TBL1X: variants seen among roughly 807,000 people sequenced by gnomAD.
TBL1X encodes transducin beta like 1 X-linked, also known as F-box-like/WD repeat-containing protein TBL1X.
Under a neutral mutation model 50.7 loss-of-function variants are expected in TBL1X, and 10 were observed. The observed-to-expected ratio is 0.20, with a 90% CI of 0.12 to 0.33. The LOEUF (loss-of-function observed/expected upper bound fraction) is 0.33, where lower values mean the gene tolerates loss of function less well. Among genes scored for constraint, TBL1X ranks in the 10% least tolerant of loss-of-function variants. The pLI is 1.00. For synonymous variants in TBL1X, 190 were observed against 214.7 expected (o/e 0.88, Z 1.01); for missense variants, 340 against 504.4 (o/e 0.67, Z 3.12).
At chrX:9,567,384 TGAA>T (rs2082356850) in intron 2 of TBL1X, among the ~76,000 whole-genome samples, 2 of 111,085 alleles carry the variant, frequency 1.8e-5, no homozygotes, top group East Asian at 2.8e-4. Context: ...CAGCTGTTCT[TGAA>T]GAAGTGGCCA....
intron 2 of TBL1X, among the ~76,000 whole-genome samples, chrX:9,625,501 CAG>C (rs2082687876): frequency 8.9e-6 from 1 of 112,103 alleles, no homozygotes; most frequent in South Asian, 3.7e-4. Flanking sequence ...TGCTGCTTCT[CAG>C]AGTTTGCTAG....
At chrX:9,697,974 A>G (rs2083143155) in intron 12 of TBL1X, among the ~76,000 whole-genome samples, 1 of 111,376 alleles carries the variant, frequency 9.0e-6, no homozygotes, top group South Asian at 3.8e-4. Context: ...AGTTTTAGCT[A>G]CCCAGGAAGC....
rs1046567441 is a variant in TBL1X at position 9,620,794 on chromosome X, C to T, written c.-130-19479C>T. Among the ~76,000 whole-genome samples, 3 of 111,645 alleles carry T rather than the reference C, an allele frequency of 2.7e-5. No homozygotes were observed. The Admixed American group carries it at 2.8e-4, about 11-fold the overall frequency. ...AAGAGGATGAGTGTGGACCTGAAAC[C>T]CCCCAGCAGCTTCCTACCACACTAA... On this transcript the variant is annotated intron_variant, in intron 2 of 17. Transcript: ENST00000645353.
At chrX:9,572,705 G>A (rs1041885744) in intron 2 of TBL1X, among the ~76,000 whole-genome samples, 1 of 112,559 alleles carries the variant, frequency 8.9e-6, no homozygotes, top group Non-Finnish European at 1.9e-5. Flanking sequence ...AGTCAAAATG[G>A]ACTTCTGACA....
At chrX:9,667,545 A>G (rs775817753) in intron 5 of TBL1X, among the ~76,000 whole-genome samples, 17 of 112,485 alleles carry the variant, frequency 1.5e-4, no homozygotes, top group Non-Finnish European at 3.0e-4. Context: ...AATTAAGATT[A>G]TATAGATTTG....
chrX:9,528,602 G>C (rs754357557), intron 2 of TBL1X, among the ~76,000 whole-genome samples: 1 of 107,850 alleles, frequency 9.3e-6, no homozygotes, highest in South Asian at 4.2e-4. Flanking sequence ...GTGACCCGCA[G>C]CTGCACATGG....
At chrX:9,602,414 C>G (rs1383342431) in intron 2 of TBL1X, among the ~76,000 whole-genome samples, 2 of 108,874 alleles carry the variant, frequency 1.8e-5, no homozygotes, top group Non-Finnish European at 3.8e-5. Context: ...CGCCAGTGTT[C>G]TGGTTTCTTG....
chrX:9,489,908 A>G (rs1223553194), intron 1 of TBL1X, among the ~76,000 whole-genome samples: 1 of 111,668 alleles, frequency 9.0e-6, no homozygotes, highest in African/African-American at 3.3e-5. Context: ...ACATCCAGTC[A>G]TACCCTAGAA....
intron 3 of TBL1X, among the ~76,000 whole-genome samples, chrX:9,646,493 G>A (rs2082805284): frequency 8.9e-6 from 1 of 112,303 alleles, no homozygotes; most frequent in South Asian, 3.7e-4. Flanking sequence ...GAAAAGAGCC[G>A]CTGCCTCCAA....
At chrX:9,473,132 T>C (rs1038128744) in intron 1 of TBL1X, among the ~76,000 whole-genome samples, 6 of 111,380 alleles carry the variant, frequency 5.4e-5, no homozygotes, top group South Asian at 3.8e-4. Flanking sequence ...GTAGTGCCAA[T>C]GTGCAAAGGT....
chrX:9,578,607 C>A (rs186819325), intron 2 of TBL1X, among the ~76,000 whole-genome samples: 28 of 111,820 alleles, frequency 2.5e-4, no homozygotes, highest in Admixed American at 2.5e-3. Flanking sequence ...AGACAAGCGT[C>A]CCCCTGTGCT....
intron 2 of TBL1X, among the ~76,000 whole-genome samples, chrX:9,598,074 G>A (rs993258787): frequency 4.5e-5 from 5 of 111,587 alleles, no homozygotes; most frequent in Admixed American, 3.8e-4. Context: ...GGACACACTC[G>A]TACAGGGAAA....
chrX:9,658,448 C>T (rs1361261314), intron 5 of TBL1X, among the ~76,000 whole-genome samples: 1 of 110,654 alleles, frequency 9.0e-6, no homozygotes, highest in East Asian at 2.9e-4. Flanking sequence ...GAGCAGCTCC[C>T]CCAAATGCTG....
At chrX:9,567,512 C>T (rs939295377) in intron 2 of TBL1X, among the ~76,000 whole-genome samples, 1 of 111,987 alleles carries the variant, frequency 8.9e-6, no homozygotes, top group Non-Finnish European at 1.9e-5. Flanking sequence ...CATGGTTCAG[C>T]AGATGAGGGT....
At chrX:9,616,632 G>A (rs1268385313) in intron 2 of TBL1X, among the ~76,000 whole-genome samples, 1 of 112,215 alleles carries the variant, frequency 8.9e-6, no homozygotes, top group South Asian at 3.7e-4. Flanking sequence ...TTAATAACAC[G>A]TTCTGACCCA....
intron 2 of TBL1X, among the ~76,000 whole-genome samples, chrX:9,517,771 G>A (rs2146963506): frequency 8.9e-6 from 1 of 112,328 alleles, no homozygotes; most frequent in South Asian, 3.7e-4. Context: ...GGATGGTTCT[G>A]TGGGTAGAAG....
intron 5 of TBL1X, among the ~76,000 whole-genome samples, chrX:9,676,636 G>T: frequency 8.9e-6 from 1 of 111,846 alleles, no homozygotes; most frequent in East Asian, 2.8e-4. Context: ...TGTTATGGTG[G>T]GTCATCTCAA....
At chrX:9,667,826 T>TA (rs1235180930) in intron 5 of TBL1X, among the ~76,000 whole-genome samples, 1 of 111,885 alleles carries the variant, frequency 8.9e-6, no homozygotes, top group Non-Finnish European at 1.9e-5. Context: ...ATTTTTGAGT[T>TA]ATCATTTTGG....
intron 1 of TBL1X, among the ~76,000 whole-genome samples, chrX:9,498,796 C>T (rs2081985797): frequency 8.9e-6 from 1 of 112,407 alleles, no homozygotes; most frequent in African/African-American, 3.2e-5. Flanking sequence ...GTTTTGCGTG[C>T]TGTCCGCGAG....
Sources: allele counts gnomAD v4.1 joint callset (sites outside exome capture counted in the v4.1 genomes callset), GRCh38; gene constraint gnomAD v4.1.1; transcripts MANE v1.5; gene names NCBI Gene and HGNC (gene_info 2026-07-23, HGNC 2026-07-21).